KLHL29: variants seen among roughly 807,000 people sequenced by gnomAD.
KLHL29 encodes kelch-like protein 29.
In KLHL29, 21 loss-of-function variants were observed where a neutral mutation model predicts 80.4. The observed-to-expected ratio is 0.26, with a 90% CI of 0.19 to 0.38. The LOEUF is 0.38. Among genes scored for constraint, KLHL29 ranks in the 10% least tolerant of loss-of-function variants. The probability of loss-of-function intolerance (pLI) is 1.00; values close to 1 mark genes in which losing one functional copy is unlikely to be tolerated. For synonymous variants in KLHL29, 511 were observed against 526.8 expected (o/e 0.97, Z 0.41); for missense variants, 867 against 1,223.9 (o/e 0.71, Z 4.35).
chr2:23,673,797 C>T (rs1670847316), intron 5 of KLHL29, among the ~76,000 whole-genome samples: 1 of 152,060 alleles, frequency 6.6e-6, no homozygotes, highest in Non-Finnish European at 1.5e-5. Flanking sequence ...TACATTAGCA[C>T]ACAGGGGTGC....
intron 2 of KLHL29, among the ~76,000 whole-genome samples, chr2:23,493,120 T>C (rs1410488389): frequency 1.3e-5 from 2 of 152,212 alleles, no homozygotes; most frequent in African/African-American, 4.8e-5. Context: ...CGCACAGGAA[T>C]GACGTAAGGT....
Position 23,700,391 on chromosome 2 carries a change from C to A in KLHL29, c.2106-2795C>A, listed in dbSNP as rs1433937061. 6.6e-6 allele frequency among the ~76,000 whole-genome samples: 1 copy of A among 152,140 alleles called. No individual in the cohort carries two copies. Among genetic ancestry groups the A allele is most frequent in the Non-Finnish European group, 1.5e-5 (1 of 68,018 alleles). ...AAATTCATCACTTCCTAATTTTTTA[C>A]TACATGTTACTACTCTCTTGGGCCT... On this transcript the variant is annotated intron_variant, in intron 11 of 13. Coordinates refer to ENST00000486442, the MANE Select transcript of KLHL29 (RefSeq NM_052920.2). This position sits in a 1 kb window ranked among gnomAD's most constrained non-coding sequence, Gnocchi z 4.6.
chr2:23,396,860 G>A (rs1458000527), intron 1 of KLHL29, among the ~76,000 whole-genome samples: 2 of 152,124 alleles, frequency 1.3e-5, no homozygotes, highest in African/African-American at 4.8e-5. Flanking sequence ...CTTTTTCTAC[G>A]ATGATTCTCA....
intron 5 of KLHL29, among the ~76,000 whole-genome samples, chr2:23,663,680 T>C (rs1009515275): frequency 2.0e-5 from 3 of 152,268 alleles, no homozygotes; most frequent in African/African-American, 7.2e-5. Context: ...GTGTTCTCAA[T>C]GTGCTGATGC....
intron 2 of KLHL29, among the ~76,000 whole-genome samples, chr2:23,535,749 G>A (rs981684446): frequency 5.3e-5 from 8 of 152,084 alleles, no homozygotes; most frequent in Non-Finnish European, 1.0e-4. Flanking sequence ...CCAGGGTTTC[G>A]GGGAGGCGGG....
At chr2:23,413,867 A>G (rs1666922800) in intron 1 of KLHL29, among the ~76,000 whole-genome samples, 1 of 152,040 alleles carries the variant, frequency 6.6e-6, no homozygotes, top group Non-Finnish European at 1.5e-5. Context: ...AGGCCCGTGC[A>G]CCCTGCTGTG....
At chr2:23,422,359 T>TTG (rs529053852) in intron 1 of KLHL29, among the ~76,000 whole-genome samples, 2 of 150,594 alleles carry the variant, frequency 1.3e-5, no homozygotes, top group Admixed American at 6.6e-5. Flanking sequence ...TGTGTTGTGT[T>TTG]TGTGTGTGTG....
At chr2:23,671,005 C>T (rs1370161479) in intron 5 of KLHL29, among the ~76,000 whole-genome samples, 5 of 90,792 alleles carry the variant, frequency 5.5e-5, no homozygotes, top group African/African-American at 1.5e-4. Context: ...TCCCTCCCCC[C>T]CCCCACCTCC....
At position 23,691,873 on chromosome 2, in the gene KLHL29, C is replaced by G; in HGVS notation, c.1279C>G (p.Leu427Val). 6.5e-7 allele frequency: 1 copy of G among 1,549,042 alleles called. No individual in the cohort carries two copies. The highest frequency in any genetic ancestry group is 8.7e-7 in the Non-Finnish European group (1 of 1,146,958). ...CTTCTGCAAAGTCTGCGTGTCCTTT[C>G]TCGGTGAGCCCGGGGGCCACATATG... ...HTFCKVCVSF[L>V]EKQLTASNCL... The change falls in exon 7 of 14, where the codon CTC (leucine) becomes GTC (valine). Residue 427 changes from leucine (L) to valine (V), a missense_variant. By Grantham distance (32) the Leu-to-Val change is conservative (BLOSUM62 1). Transcript: ENST00000486442.
At chr2:23,575,372 A>T (rs1219277362) in intron 3 of KLHL29, among the ~76,000 whole-genome samples, 1 of 152,198 alleles carries the variant, frequency 6.6e-6, no homozygotes, top group Non-Finnish European at 1.5e-5. Context: ...GTACACTTTA[A>T]CCCTGTGCAG....
intron 1 of KLHL29, among the ~76,000 whole-genome samples, chr2:23,464,664 G>C (rs1395426079): frequency 6.6e-6 from 1 of 152,104 alleles, no homozygotes; most frequent in East Asian, 1.9e-4. Flanking sequence ...CTTTTTGAGG[G>C]CATCCAGGGG....
chr2:23,421,056 G>T (rs1662784093), intron 1 of KLHL29, among the ~76,000 whole-genome samples: 1 of 152,194 alleles, frequency 6.6e-6, no homozygotes, highest in Non-Finnish European at 1.5e-5. Context: ...AGGTATCATT[G>T]TGTCCCCTCC....
At chr2:23,645,812 G>A (rs1669911634) in intron 5 of KLHL29, among the ~76,000 whole-genome samples, 1 of 152,162 alleles carries the variant, frequency 6.6e-6, no homozygotes, top group African/African-American at 2.4e-5. Context: ...AGGGCGTTGG[G>A]ACTTTAATTT....
At chr2:23,519,570 A>G (rs1666034355) in intron 2 of KLHL29, among the ~76,000 whole-genome samples, 1 of 152,134 alleles carries the variant, frequency 6.6e-6, no homozygotes, top group African/African-American at 2.4e-5. Context: ...ACCCTGGGGT[A>G]TGTGAACCCA....
At chr2:23,418,787 G>T (rs1010477234) in intron 1 of KLHL29, among the ~76,000 whole-genome samples, 1 of 151,772 alleles carries the variant, frequency 6.6e-6, no homozygotes, top group East Asian at 1.9e-4. Flanking sequence ...TACCCAATAC[G>T]CTGGGGTTAC....
chr2:23,436,781 T>A (rs1358381972), intron 1 of KLHL29, among the ~76,000 whole-genome samples: 3 of 152,238 alleles, frequency 2.0e-5, no homozygotes, highest in Non-Finnish European at 4.4e-5. Context: ...TAAGCCCATG[T>A]CTTGCTAGGT....
chr2:23,499,839 C>G (rs1220066264), intron 2 of KLHL29, among the ~76,000 whole-genome samples: 1 of 152,240 alleles, frequency 6.6e-6, no homozygotes, highest in Non-Finnish European at 1.5e-5. Context: ...ACGCTTCAAC[C>G]TTAATATTTG....
chr2:23,472,499 C>T (rs889304707), intron 1 of KLHL29, among the ~76,000 whole-genome samples: 2 of 152,082 alleles, frequency 1.3e-5, no homozygotes, highest in African/African-American at 2.4e-5. Flanking sequence ...CCGGGCATGG[C>T]GGCGTGTGCC....
At chr2:23,677,994 C>T (rs957598427) in intron 5 of KLHL29, among the ~76,000 whole-genome samples, 3 of 152,198 alleles carry the variant, frequency 2.0e-5, no homozygotes, top group African/African-American at 7.2e-5. Context: ...ATTTAATGGA[C>T]TTCTCTGCTG....
Sources: allele counts gnomAD v4.1 joint callset (sites outside exome capture counted in the v4.1 genomes callset), GRCh38; gene constraint gnomAD v4.1.1; non-coding constraint Gnocchi (gnomAD v3.1); transcripts MANE v1.5; gene names NCBI Gene and HGNC (gene_info 2026-07-23, HGNC 2026-07-21).